The following SP140 variants were observed in gnomAD, a reference collection of about 807,000 sequenced individuals.
The protein encoded by SP140 is nuclear body protein SP140.
In SP140, 81 loss-of-function variants were observed where a neutral mutation model predicts 125.0. The observed-to-expected ratio is 0.65, with a 90% CI of 0.54 to 0.78. SP140 has a LOEUF of 0.78. Ranked by LOEUF, SP140 falls within the 30% of genes least tolerant of loss-of-function variation. The pLI, the probability that SP140 is intolerant of heterozygous loss-of-function variation, is 0.00. For synonymous variants in SP140, 312 were observed against 354.0 expected (o/e 0.88, Z 1.33); for missense variants, 858 against 1,037.0 (o/e 0.83, Z 2.37).
intron 12 of SP140, 103 bp downstream of exon 12, chr2:230,255,635 C>A: frequency 3.1e-6 from 3 of 975,688 alleles, no homozygotes; most frequent in Non-Finnish European, 4.8e-6. Flanking sequence ...ATATACCTCA[C>A]AGTGAAAGGA....
chr2:230,238,399 C>G lies in SP140; in HGVS notation c.406+18C>G, dbSNP rs200025533. ...CCAGAATGGTAACTATAGCTCTCAA[C>G]AGCTTTGGGGGATTCAAGCCCATTT... On this transcript the variant is annotated intron_variant, in intron 3 of 26. Transcript: ENST00000392045. 1.3e-5 allele frequency: 21 copies of G among 1,599,694 alleles called. No homozygotes were observed. Among genetic ancestry groups the G allele is most frequent in the Non-Finnish European group, 1.8e-5 (21 of 1,175,112 alleles).
chr2:230,229,456 CTTTTTTTTTTTTTTT>C (rs1163771237), intron 1 of SP140, among the ~76,000 whole-genome samples: 12 of 57,602 alleles, frequency 2.1e-4, no homozygotes, highest in African/African-American at 6.0e-4. Context: ...TGAAGAAATT[CTTTTTTTTTTTTTTT>C]TTTTTTTTTT....
chr2:230,222,545 C>T (rs542643677), upstream of SP140, among the ~76,000 whole-genome samples: 2 of 152,118 alleles, frequency 1.3e-5, no homozygotes, highest in African/African-American at 4.8e-5. Flanking sequence ...AGAGCAAGAC[C>T]TCGTCTCTAC....
At chr2:230,253,239 G>T in intron 10 of SP140, 77 bp from the exon 11 acceptor site, 1 of 993,722 alleles carries the variant, frequency 1.0e-6, no homozygotes, top group African/African-American at 1.6e-5. Context: ...GACAGGGGTG[G>T]CTCTTAGCAT....
the SP140 span, among the ~76,000 whole-genome samples, chr2:230,190,409 T>C: frequency 6.6e-6 from 1 of 152,184 alleles, no homozygotes; most frequent in Admixed American, 6.5e-5. Context: ...AGTTGTTTGT[T>C]TTTTTCTTGT....
At chr2:230,309,837 C>T in intron 22 of SP140, 87 bp from the exon 23 acceptor site, 5 of 1,378,398 alleles carry the variant, frequency 3.6e-6, no homozygotes, top group South Asian at 1.2e-5. Flanking sequence ...CAGGTTCACA[C>T]AAAGGCAGTG....
intron 15 of SP140, among the ~76,000 whole-genome samples, chr2:230,279,789 T>C (rs2055255021): frequency 6.6e-6 from 1 of 152,154 alleles, no homozygotes. Context: ...ATCTGTTTTT[T>C]GCTAGTTTGT....
At chr2:230,226,362 A>G (rs551276046) in intron 1 of SP140, among the ~76,000 whole-genome samples, 4 of 152,256 alleles carry the variant, frequency 2.6e-5, no homozygotes, top group Admixed American at 6.5e-5. Context: ...GAGCCCATCT[A>G]TGTGGCTCTT....
downstream of SP140, among the ~76,000 whole-genome samples, chr2:230,314,427 G>T (rs887701284): frequency 5.9e-5 from 9 of 152,340 alleles, no homozygotes; most frequent in South Asian, 2.1e-4. Context: ...TCTGGGAGTG[G>T]ATCCTGGTCC....
chr2:230,293,743 C>T (rs1286593910), intron 20 of SP140, among the ~76,000 whole-genome samples: 1 of 152,194 alleles, frequency 6.6e-6, no homozygotes, highest in Admixed American at 6.5e-5. Flanking sequence ...CATTGATTGA[C>T]CTGTCATGGG....
At chr2:230,236,100 C>T (rs1485474085) in intron 1 of SP140, among the ~76,000 whole-genome samples, 2 of 152,140 alleles carry the variant, frequency 1.3e-5, no homozygotes, top group Admixed American at 1.3e-4. Context: ...TGGTCTCGAT[C>T]TCCTGACCTT....
At chr2:230,262,669 T>A (rs1051281033) in intron 12 of SP140, among the ~76,000 whole-genome samples, 2 of 152,150 alleles carry the variant, frequency 1.3e-5, no homozygotes, top group Non-Finnish European at 1.5e-5. Flanking sequence ...TTACTGTCAT[T>A]CAGCTTGAAT....
chr2:230,270,722 A>C, intron 15 of SP140, 83 bp downstream of exon 15: 1 of 1,284,936 alleles, frequency 7.8e-7, no homozygotes, highest in Admixed American at 1.8e-5. Flanking sequence ...CATTGTTACT[A>C]TTTCTGTTAT....
At chr2:230,295,574 C>T (rs892778762) in intron 21 of SP140, among the ~76,000 whole-genome samples, 4 of 152,184 alleles carry the variant, frequency 2.6e-5, no homozygotes, top group Non-Finnish European at 5.9e-5. Context: ...TGTTGTGTCT[C>T]CTCATGGGGG....
the SP140 span, among the ~76,000 whole-genome samples, chr2:230,195,125 A>G: frequency 1.3e-5 from 2 of 151,888 alleles, no homozygotes; most frequent in Non-Finnish European, 2.9e-5. Context: ...GAAAAAACCC[A>G]CATCTTTTAT....
At chr2:230,247,419 T>A (rs2049627262) in intron 7 of SP140, among the ~76,000 whole-genome samples, 1 of 152,104 alleles carries the variant, frequency 6.6e-6, no homozygotes. Flanking sequence ...AAACACCCCA[T>A]CAACCATCCA....
intron 12 of SP140, among the ~76,000 whole-genome samples, chr2:230,260,919 G>T (rs2052125259): frequency 2.6e-5 from 4 of 152,092 alleles, no homozygotes; most frequent in Admixed American, 2.6e-4. Context: ...CTTTGGCTTT[G>T]TGGGCTCCTT....
At position 230,255,380 on chromosome 2, in the gene SP140, CT is replaced by C; in HGVS notation, c.1160-71del. On this transcript the variant is annotated intron_variant, in intron 11 of 26. Transcript: ENST00000392045. ...GATACTTCAGCTTTCCACATCTTCACTAAGTTTTCTCTTCATGATTTTTTGT... is the reference window on the plus strand; with the variant it reads ...GATACTTCAGCTTTCCACATCTTCACAAGTTTTCTCTTCATGATTTTTTGT... The C allele has an allele frequency of 5.1e-6, 8 of 1,561,428 alleles. No homozygotes were observed. In the South Asian group the frequency reaches 8.9e-5, roughly 17 times the overall value.
chr2:230,292,495 G>C (rs1366357038), intron 19 of SP140, 151 bp from the exon 20 acceptor site: 2 of 985,168 alleles, frequency 2.0e-6, no homozygotes, highest in Non-Finnish European at 3.0e-6. Flanking sequence ...GGCTGGATTT[G>C]GGGCCTCTGT....
Sources: gnomAD v4.1 joint callset for allele counts (sites outside exome capture counted in the v4.1 genomes callset) on GRCh38, gnomAD v4.1.1 for gene constraint, MANE v1.5 for transcripts, NCBI Gene and HGNC (gene_info 2026-07-23, HGNC 2026-07-21) for gene names.